CFAP95: variants seen among roughly 807,000 people sequenced by gnomAD.
CFAP95 encodes cilia- and flagella-associated protein 95.
chr9:69,861,978 G>A, the CFAP95 span, among the ~76,000 whole-genome samples: 4 of 152,236 alleles, frequency 2.6e-5, no homozygotes, highest in East Asian at 7.7e-4. Flanking sequence ...ATAGCACTGT[G>A]TGCTTCTTTT....
At chr9:69,881,655 G>T in the CFAP95 span, among the ~76,000 whole-genome samples, 1 of 152,032 alleles carries the variant, frequency 6.6e-6, no homozygotes, top group South Asian at 2.1e-4. Flanking sequence ...TGTGTCTTTT[G>T]TTATTCCATA....
At chr9:69,902,280 A>G in the CFAP95 span, 1 of 450,088 alleles carries the variant, frequency 2.2e-6, no homozygotes, top group South Asian at 1.6e-5. Flanking sequence ...CCTCCTCTTC[A>G]TTTCAACTCT....
At chr9:69,891,401 C>G in the CFAP95 span, among the ~76,000 whole-genome samples, 1 of 152,118 alleles carries the variant, frequency 6.6e-6, no homozygotes, top group Non-Finnish European at 1.5e-5. Flanking sequence ...AGCACTTTTG[C>G]CTTCATGGGC....
the CFAP95 span, among the ~76,000 whole-genome samples, chr9:69,828,553 C>T: frequency 1.3e-5 from 2 of 152,228 alleles, no homozygotes; most frequent in South Asian, 4.2e-4. Context: ...TGTGGTGGCA[C>T]ACCCCTGTGG....
At chr9:69,829,885 C>G in the CFAP95 span, among the ~76,000 whole-genome samples, 1 of 152,296 alleles carries the variant, frequency 6.6e-6, no homozygotes, top group Non-Finnish European at 1.5e-5. Flanking sequence ...CCATTCGCAC[C>G]ATTTTCTGTG....
the CFAP95 span, among the ~76,000 whole-genome samples, chr9:69,893,578 C>A: frequency 6.6e-6 from 1 of 152,036 alleles, no homozygotes; most frequent in Admixed American, 6.6e-5. Flanking sequence ...CTTTCTTTTT[C>A]TTTCTCCTCC....
chr9:69,841,266 A>G, the CFAP95 span, among the ~76,000 whole-genome samples: 1 of 147,840 alleles, frequency 6.8e-6, no homozygotes, highest in East Asian at 2.0e-4. Context: ...TCAGTGTCTA[A>G]TAAAGAGGTG....
At chr9:69,868,038 C>T in the CFAP95 span, among the ~76,000 whole-genome samples, 1 of 152,178 alleles carries the variant, frequency 6.6e-6, no homozygotes, top group African/African-American at 2.4e-5. Flanking sequence ...TCTCTTAATA[C>T]CATGCTTATA....
chr9:69,899,044 T>C, the CFAP95 span, among the ~76,000 whole-genome samples: 1 of 152,208 alleles, frequency 6.6e-6, no homozygotes, highest in Non-Finnish European at 1.5e-5. Context: ...GCATAAGCCT[T>C]TGTGCACTAA....
the CFAP95 span, among the ~76,000 whole-genome samples, chr9:69,895,342 T>C: frequency 2.3e-5 from 1 of 43,016 alleles, no homozygotes; most frequent in Non-Finnish European, 5.5e-5. Context: ...TCAGTCTCTC[T>C]CTCTCTCTCT....
chr9:69,885,775 T>C, the CFAP95 span, among the ~76,000 whole-genome samples: 1 of 152,098 alleles, frequency 6.6e-6, no homozygotes. Context: ...AAAAAGTTCA[T>C]AGAGGCAGGA....
At chr9:69,873,946 C>T in the CFAP95 span, among the ~76,000 whole-genome samples, 1 of 152,176 alleles carries the variant, frequency 6.6e-6, no homozygotes, top group Non-Finnish European at 1.5e-5. Context: ...TTATCAGACA[C>T]CTTTTCCTTT....
At chr9:69,834,469 C>A in the CFAP95 span, among the ~76,000 whole-genome samples, 1 of 152,124 alleles carries the variant, frequency 6.6e-6, no homozygotes, top group Non-Finnish European at 1.5e-5. Context: ...TGCAGTGTTG[C>A]CCTATTTTAT....
At chr9:69,835,271 T>C in the CFAP95 span, among the ~76,000 whole-genome samples, 2 of 152,220 alleles carry the variant, frequency 1.3e-5, no homozygotes, top group African/African-American at 4.8e-5. Flanking sequence ...ACTAAACATT[T>C]TAAACATCTT....
At chr9:69,825,395 A>G in the CFAP95 span, among the ~76,000 whole-genome samples, 1 of 152,158 alleles carries the variant, frequency 6.6e-6, no homozygotes, top group Admixed American at 6.5e-5. Context: ...TCATATTAAA[A>G]TCCGTTGTGT....
At chr9:69,830,446 C>T in the CFAP95 span, among the ~76,000 whole-genome samples, 1 of 152,086 alleles carries the variant, frequency 6.6e-6, no homozygotes, top group Admixed American at 6.6e-5. Context: ...TAGAACATAA[C>T]CTATTAATAT....
At chr9:69,829,455 G>A in the CFAP95 span, among the ~76,000 whole-genome samples, 4 of 152,166 alleles carry the variant, frequency 2.6e-5, no homozygotes, top group Non-Finnish European at 5.9e-5. Flanking sequence ...ATAAGCCCTG[G>A]TAAGGCAAAG....
the CFAP95 span, among the ~76,000 whole-genome samples, chr9:69,895,363 C>G: frequency 0.042 from 3,764 of 89,816 alleles, 127 homozygotes; most frequent in African/African-American, 0.11. Flanking sequence ...CTCTCTCTCT[C>G]TCTCTCTGTG....
chr9:69,839,271 C>A, the CFAP95 span, among the ~76,000 whole-genome samples: 2 of 143,186 alleles, frequency 1.4e-5, no homozygotes, highest in African/African-American at 5.2e-5. Flanking sequence ...GGAGGATTCC[C>A]TCTTTTTCTC....
Sources: gnomAD v4.1 joint callset for allele counts (sites outside exome capture counted in the v4.1 genomes callset) on GRCh38, gnomAD v4.1.1 for gene constraint, MANE v1.5 for transcripts, NCBI Gene and HGNC (gene_info 2026-07-23, HGNC 2026-07-21) for gene names.